Variants in SUB1 observed in about 807,000 individuals in gnomAD.
SUB1 encodes the protein SUB1 regulator of transcription, also known as activated RNA polymerase II transcriptional coactivator p15.
SUB1 carries 1 observed loss-of-function variant against 16.9 expected under a neutral mutation model. The ratio of observed to expected loss-of-function variants is 0.06; its 90% CI spans 0.02 to 0.28. The LOEUF is 0.28. SUB1 is among the 10% of genes least tolerant of loss of function. SUB1 has a pLI of 1.00. For synonymous variants in SUB1, 51 were observed against 46.9 expected, an observed-to-expected ratio of 1.09 and a Z score of -0.36; for missense variants, 84 against 145.2, an observed-to-expected ratio of 0.58 and a Z score of 2.16.
At chr5:32,588,637 A>T (rs1333647220) in intron 2 of SUB1, 53 bp downstream of exon 2, 1 of 1,536,286 alleles carries the variant, frequency 6.5e-7, no homozygotes, top group Non-Finnish European at 8.9e-7. Flanking sequence ...TATTGTCCAT[A>T]TCCCATTCTG....
At position 32,601,068 on chromosome 5, in the gene SUB1, C is replaced by T. The variant is rs751360346; in HGVS notation, c.368C>T (p.Ala123Val). Reference sequence around the variant, plus strand: ...GAACAGATTTCTGACATTGATGATGCAGTAAGAAAACTGTAAAATTCGAGC... The same window carrying T: ...GAACAGATTTCTGACATTGATGATGTAGTAAGAAAACTGTAAAATTCGAGC... ...LKEQISDIDD[A>V]VRKL Residue 123 changes from alanine to valine, a missense_variant, in exon 5 of 5, where the codon GCA becomes GTA. Transcript: ENST00000265073. The T allele has an allele frequency of 6.8e-6, 11 of 1,611,626 alleles. No individual in the cohort carries two copies. Among genetic ancestry groups the T allele is most frequent in the Non-Finnish European group, 8.5e-6 (10 of 1,179,524 alleles).
rs1475380076 is a variant in SUB1 at position 32,602,280 on chromosome 5, G to T, written c.*1196G>T. The T allele has an allele frequency of 2.2e-6, 1 of 450,252 alleles. No homozygotes were observed. Among genetic ancestry groups the T allele is most frequent in the Admixed American group, 2.4e-5 (1 of 41,168 alleles). 27.9% of individuals were successfully genotyped at this position (450,252 alleles called of 1,614,324 possible). A position where few individuals can be genotyped will look rare whatever the true frequency, so the allele number is the denominator to read the frequency against. ...CTTAGGAAAAGAATGTTTATAAAGG[G>T]AATTATAACTGAAATTAAAGGAGGC... is the stretch of plus-strand genomic sequence containing the variant. On this transcript the variant is annotated 3_prime_UTR_variant, in exon 5 of 5. Transcript: ENST00000265073.
intron 3 of SUB1, 143 bp downstream of exon 3, chr5:32,591,828 T>C (rs970666357): frequency 2.8e-5 from 28 of 995,068 alleles, no homozygotes; most frequent in Non-Finnish European, 3.7e-5. Flanking sequence ...GCCTCCCGAG[T>C]AGCTAGGATT....
chr5:32,593,219 G>A (rs1007397409), intron 3 of SUB1, among the ~76,000 whole-genome samples: 1 of 152,092 alleles, frequency 6.6e-6, no homozygotes, highest in African/African-American at 2.4e-5. Flanking sequence ...TGCCCAGGCT[G>A]GTCTTGAACT....
chr5:32,585,759 C>T (rs1046984496), intron 1 of SUB1, 134 bp downstream of exon 1: 3 of 152,500 alleles, frequency 2.0e-5, no homozygotes, highest in Non-Finnish European at 2.9e-5. Context: ...TTACCTCCCC[C>T]TTCCCCTCGG....
At chr5:32,592,868 A>G (rs926911176) in intron 3 of SUB1, among the ~76,000 whole-genome samples, 2 of 152,228 alleles carry the variant, frequency 1.3e-5, no homozygotes, top group African/African-American at 4.8e-5. Context: ...TTATATTCAG[A>G]TAGAGAATGG....
intron 3 of SUB1, 167 bp from the exon 4 acceptor site, chr5:32,598,794 A>G (rs751563660): frequency 8.8e-6 from 4 of 452,310 alleles, no homozygotes; most frequent in African/African-American, 4.1e-5. Context: ...AAATATGCAT[A>G]TAAGTGGGAC....
At chr5:32,598,759 AT>A (rs1739042731) in intron 3 of SUB1, 1 of 390,622 alleles carries the variant, frequency 2.6e-6, no homozygotes, top group Non-Finnish European at 4.5e-6. Context: ...GTCTGCAAAA[AT>A]TTTTCCAGTA....
intron 3 of SUB1, among the ~76,000 whole-genome samples, 184 bp downstream of exon 3, chr5:32,591,869 T>C (rs968661675): frequency 1.3e-5 from 2 of 152,046 alleles, no homozygotes; most frequent in Non-Finnish European, 2.9e-5. Context: ...CTGGCTAATT[T>C]TTGTATTTTT....
chr5:32,590,694 C>G (rs1392665887), intron 2 of SUB1, among the ~76,000 whole-genome samples: 1 of 149,172 alleles, frequency 6.7e-6, no homozygotes, highest in African/African-American at 2.5e-5. Flanking sequence ...GTCCCGGGTT[C>G]AAGCGATTCT....
chr5:32,588,737 C>T (rs535611536), intron 2 of SUB1, among the ~76,000 whole-genome samples, 153 bp downstream of exon 2: 12 of 151,988 alleles, frequency 7.9e-5, no homozygotes, highest in African/African-American at 2.9e-4. Context: ...TTTGGGAGGC[C>T]GAGGTGGCAG....
At position 32,603,311 on chromosome 5, in the gene SUB1, A is replaced by T. The variant is rs1220073167; in HGVS notation, c.*2227A>T. 1 of 152,144 alleles carries T rather than the reference A, an allele frequency of 6.6e-6. No homozygotes were observed. The highest frequency in any genetic ancestry group is 2.4e-5 in the African/African-American group (1 of 41,458). The allele number at this position is 152,144 out of a possible 1,614,324, so 9.4% of individuals were successfully genotyped here. On this transcript the variant is annotated 3_prime_UTR_variant, in exon 5 of 5. Transcript: ENST00000265073. ...TAATTTTGTTTTCTGTTTAAATTTT[A>T]TCTCCTTGGTAAAGATTTTTTTTTC... is the stretch of plus-strand genomic sequence containing the variant.
intron 1 of SUB1, among the ~76,000 whole-genome samples, chr5:32,586,776 G>C (rs928459256): frequency 6.6e-6 from 1 of 152,210 alleles, no homozygotes; most frequent in Non-Finnish European, 1.5e-5. Context: ...GCAAAATGGA[G>C]CAGAAACAGG....
At chr5:32,598,447 A>G (rs1739032665) in intron 3 of SUB1, 1 of 152,492 alleles carries the variant, frequency 6.6e-6, no homozygotes, top group Admixed American at 6.5e-5. Flanking sequence ...GGTGTTTTAC[A>G]CAAGGTGTTT....
At position 32,595,803 on chromosome 5, in the gene SUB1, G is replaced by A. The variant is rs951203837; in HGVS notation, c.196-3158G>A. On this transcript the variant is annotated intron_variant, in intron 3 of 4. Transcript: ENST00000265073. ...GAGATTCCAGTTGCTCCACATCCTC[G>A]CTAGATATTGTCAGTCTTTTAAGTT... 1.4e-4 allele frequency: 22 copies of A among 152,230 alleles called. 1 individual carries two copies. The highest frequency in any genetic ancestry group is 6.8e-3 in the Middle Eastern group (2 of 294). The allele number at this position is 152,230 out of a possible 1,614,324, so 9.4% of individuals were successfully genotyped here.
intron 3 of SUB1, 27 bp downstream of exon 3, chr5:32,591,712 T>A: frequency 6.4e-7 from 1 of 1,555,860 alleles, no homozygotes; most frequent in South Asian, 1.2e-5. Flanking sequence ...TTTTTTTTTT[T>A]TTTTTTGACA....
At chr5:32,591,774 C>G (rs1738833795) in intron 3 of SUB1, 89 bp downstream of exon 3, 1 of 1,392,282 alleles carries the variant, frequency 7.2e-7, no homozygotes, top group East Asian at 2.6e-5. Context: ...CATCTCGGCT[C>G]ACTGCAACCT....
chr5:32,591,350 G>T, intron 2 of SUB1: 1 of 524,752 alleles, frequency 1.9e-6, no homozygotes, highest in Non-Finnish European at 2.9e-6. Context: ...AGTGTCTTTT[G>T]GGATCCTGAG....
chr5:32,592,508 G>A (rs1299004265), intron 3 of SUB1, among the ~76,000 whole-genome samples: 1 of 152,200 alleles, frequency 6.6e-6, no homozygotes, highest in African/African-American at 2.4e-5. Flanking sequence ...AGAAGGATTT[G>A]TGAGGAAGGG....
Sources: allele counts gnomAD v4.1 joint callset (sites outside exome capture counted in the v4.1 genomes callset), GRCh38; gene constraint gnomAD v4.1.1; transcripts MANE v1.5; gene names NCBI Gene and HGNC (gene_info 2026-07-23, HGNC 2026-07-21).